SEMA3E: variants seen among roughly 807,000 people sequenced by gnomAD.
SEMA3E encodes the protein semaphorin-3E.
In SEMA3E, 49 loss-of-function variants were observed where a neutral mutation model predicts 93.6. The observed-to-expected ratio is 0.52, with a 90% CI of 0.42 to 0.66. The LOEUF is 0.66. Among genes scored for constraint, SEMA3E ranks in the 30% least tolerant of loss-of-function variants. The pLI, the probability that SEMA3E is intolerant of heterozygous loss-of-function variation, is 0.00. For synonymous variants in SEMA3E, 363 were observed against 330.7 expected, an observed-to-expected ratio of 1.10 and a Z score of -1.06; for missense variants, 906 against 964.8, an observed-to-expected ratio of 0.94 and a Z score of 0.81.
intron 1 of SEMA3E, among the ~76,000 whole-genome samples, chr7:83,555,771 T>C (rs1791874221): frequency 6.6e-6 from 1 of 152,198 alleles, no homozygotes; most frequent in African/African-American, 2.4e-5. Flanking sequence ...TTTTATACTT[T>C]AGCAAATTCT....
intron 1 of SEMA3E, among the ~76,000 whole-genome samples, chr7:83,643,280 T>C (rs1169563406): frequency 3.3e-5 from 5 of 152,040 alleles, no homozygotes; most frequent in Non-Finnish European, 2.9e-5. Flanking sequence ...TTTTAAAGCA[T>C]ATTTCATTAT....
At chr7:83,430,694 G>A (rs1480869066) in intron 4 of SEMA3E, among the ~76,000 whole-genome samples, 1 of 152,168 alleles carries the variant, frequency 6.6e-6, no homozygotes, top group Non-Finnish European at 1.5e-5. Context: ...GGGGGAGATG[G>A]GAGGGAGAGC....
intron 4 of SEMA3E, among the ~76,000 whole-genome samples, chr7:83,444,740 G>A (rs1462913820): frequency 6.8e-6 from 1 of 147,504 alleles, no homozygotes; most frequent in Non-Finnish European, 1.5e-5. Context: ...GCTCAGTCTC[G>A]GCTCACTGCA....
chr7:83,629,617 T>C (rs993195801), intron 1 of SEMA3E, among the ~76,000 whole-genome samples: 8 of 152,228 alleles, frequency 5.3e-5, no homozygotes, highest in African/African-American at 1.9e-4. Flanking sequence ...TACTCAAGCC[T>C]CAGTAATGGC....
chr7:83,396,055 G>C (rs1048097252), intron 12 of SEMA3E, among the ~76,000 whole-genome samples: 18 of 148,954 alleles, frequency 1.2e-4, no homozygotes, highest in African/African-American at 4.4e-4. Context: ...GTGTGTGTGT[G>C]TGTGTGTGTG....
chr7:83,624,317 T>C (rs1043257925), intron 1 of SEMA3E, among the ~76,000 whole-genome samples: 2 of 152,048 alleles, frequency 1.3e-5, no homozygotes, highest in Admixed American at 6.6e-5. Flanking sequence ...TCAACAATGG[T>C]TGAAGTAATT....
intron 2 of SEMA3E, among the ~76,000 whole-genome samples, chr7:83,486,106 C>T (rs1363015072): frequency 2.0e-5 from 3 of 152,056 alleles, no homozygotes; most frequent in African/African-American, 7.2e-5. Context: ...TGATCTTAAA[C>T]TCCTGGGCTC....
intron 1 of SEMA3E, among the ~76,000 whole-genome samples, chr7:83,492,358 T>C (rs1415796041): frequency 6.6e-6 from 1 of 152,012 alleles, no homozygotes; most frequent in Non-Finnish European, 1.5e-5. Flanking sequence ...TACCTCATTA[T>C]CCCTGCACGC....
At chr7:83,402,121 A>T (rs1268772440) in intron 10 of SEMA3E, among the ~76,000 whole-genome samples, 1 of 152,054 alleles carries the variant, frequency 6.6e-6, no homozygotes, top group Non-Finnish European at 1.5e-5. Context: ...ATGAGGTGCT[A>T]AGTATTCTGA....
In SEMA3E at chr7:83,648,619, GGGCAGCGTGCGAGA is replaced by G; in HGVS notation, c.-91_-78del. The stretch of plus-strand genomic sequence containing the variant: ...AGTTTTACTTAGGACTTCCCTCCAG[GGGCAGCGTGCGAGA>G]GGCTTTGTCAGAAATCGAACGCGTT... On this transcript the variant is annotated 5_prime_UTR_variant, in exon 1 of 17. The change creates a premature stop within an existing upstream ORF in the 5' untranslated region. Coordinates refer to ENST00000643230, the MANE Select transcript of SEMA3E (RefSeq NM_012431.3). The G allele has an allele frequency of 9.4e-7, 1 of 1,064,440 alleles. No homozygotes were observed. Among genetic ancestry groups the G allele is most frequent in the Non-Finnish European group, 1.4e-6 (1 of 695,808 alleles). 65.9% of individuals were successfully genotyped at this position (1,064,440 alleles called of 1,614,324 possible).
At position 83,530,876 on chromosome 7, in the gene SEMA3E, C is replaced by CG. The variant is rs538028299; in HGVS notation, c.116-40603dup. Among the ~76,000 whole-genome samples, 277 of 101,716 alleles carry CG rather than the reference C, an allele frequency of 2.7e-3. 3 individuals carry two copies. Among genetic ancestry groups the CG allele is most frequent in the African/African-American group, 7.1e-3 (262 of 37,030 alleles). The allele number at this position is 101,716 out of a possible 152,430, so 66.7% of individuals were successfully genotyped here. A position where few individuals can be genotyped will look rare whatever the true frequency, so the allele number is the denominator to read the frequency against. On this transcript the variant is annotated intron_variant, in intron 1 of 16. Transcript: ENST00000643230. ...CTGGGCAACAAAAGTGAAACTCCGT[C>CG]GGGGGAAAAAAAAAATTCAAGGTTC...
intron 1 of SEMA3E, among the ~76,000 whole-genome samples, chr7:83,581,148 T>A (rs560194052): frequency 2.0e-5 from 3 of 152,146 alleles, no homozygotes; most frequent in Non-Finnish European, 2.9e-5. Flanking sequence ...CTTCACAAGA[T>A]TCAGCATCTG....
intron 4 of SEMA3E, among the ~76,000 whole-genome samples, chr7:83,438,852 A>G (rs1303894482): frequency 6.6e-6 from 1 of 152,108 alleles, no homozygotes; most frequent in Non-Finnish European, 1.5e-5. Flanking sequence ...TAACTGAAGG[A>G]TGGAGGTAAT....
rs2723038 is a variant in SEMA3E at position 83,408,792 on chromosome 7, T to C, written c.551-305A>G. 0.5 allele frequency among the ~76,000 whole-genome samples: 76,378 copies of C among 151,488 alleles called. 22,120 individuals are homozygous for C. Among genetic ancestry groups the C allele is most frequent in the East Asian group, 0.85 (4,330 of 5,108 alleles). ...AGCACTTGGAAGATCAGCTGGTAAA[T>C]AGTAAGACCTATATGAGTTTTTGGT... On this transcript the variant is annotated intron_variant, in intron 5 of 16. Transcript: ENST00000643230.
intron 11 of SEMA3E, among the ~76,000 whole-genome samples, chr7:83,397,391 C>A (rs1788142455): frequency 6.6e-6 from 1 of 151,802 alleles, no homozygotes. Flanking sequence ...ATTTTTTTAC[C>A]AAAAGCTACT....
chr7:83,637,590 G>A (rs1693382), intron 1 of SEMA3E, among the ~76,000 whole-genome samples: 1,548 of 152,154 alleles, frequency 0.01, 24 homozygotes, highest in African/African-American at 0.036. Flanking sequence ...CTGACAGTGT[G>A]TGAGTTCTCG....
At chr7:83,461,921 C>T (rs1273865099) in intron 4 of SEMA3E, 2 of 152,242 alleles carry the variant, frequency 1.3e-5, no homozygotes, top group African/African-American at 2.4e-5. Flanking sequence ...AACCTCCTCC[C>T]CCAGGAGCTT....
At chr7:83,491,714 A>G (rs868214919) in intron 1 of SEMA3E, among the ~76,000 whole-genome samples, 11 of 152,066 alleles carry the variant, frequency 7.2e-5, no homozygotes, top group African/African-American at 2.7e-4. Flanking sequence ...AACTTCTGAC[A>G]TAGGCATGAA....
chr7:83,580,936 C>T (rs1562841853), intron 1 of SEMA3E, among the ~76,000 whole-genome samples: 1 of 151,826 alleles, frequency 6.6e-6, no homozygotes, highest in Non-Finnish European at 1.5e-5. Context: ...GATATTAGAT[C>T]TTTATTATTG....
Sources: allele counts gnomAD v4.1 joint callset (sites outside exome capture counted in the v4.1 genomes callset), GRCh38; gene constraint gnomAD v4.1.1; transcripts MANE v1.5; gene names NCBI Gene and HGNC (gene_info 2026-07-23, HGNC 2026-07-21).